Variants in MMP16 observed in about 807,000 individuals in gnomAD.
MMP16 encodes matrix metalloproteinase-16.
MMP16 carries 12 observed loss-of-function variants against 67.8 expected under a neutral mutation model. That is an observed-to-expected ratio of 0.18 (90% CI 0.11 to 0.29). The LOEUF (loss-of-function observed/expected upper bound fraction) is 0.29. MMP16 is among the 10% of genes least tolerant of loss of function. The probability of loss-of-function intolerance (pLI) is 1.00; values close to 1 mark genes in which losing one functional copy is unlikely to be tolerated. For synonymous variants in MMP16, 249 were observed against 255.9 expected, an observed-to-expected ratio of 0.97 and a Z score of 0.26; for missense variants, 475 against 765.7, an observed-to-expected ratio of 0.62 and a Z score of 4.48.
At chr8:88,299,679 T>C (rs187404006) in intron 1 of MMP16, among the ~76,000 whole-genome samples, 8 of 152,322 alleles carry the variant, frequency 5.3e-5, no homozygotes, top group Admixed American at 3.3e-4. Context: ...CTGTCTATAA[T>C]GTATACTGCA....
intron 8 of MMP16, among the ~76,000 whole-genome samples, chr8:88,048,190 G>C (rs1808222769): frequency 6.6e-6 from 1 of 152,134 alleles, no homozygotes; most frequent in African/African-American, 2.4e-5. Context: ...AGGAAACTGG[G>C]AATGTGAGTA....
At chr8:88,146,755 G>A (rs1808296757) in intron 4 of MMP16, among the ~76,000 whole-genome samples, 1 of 151,230 alleles carries the variant, frequency 6.6e-6, no homozygotes, top group South Asian at 2.1e-4. Context: ...AACGTACAGG[G>A]GCAAGGCTTT....
intron 1 of MMP16, among the ~76,000 whole-genome samples, chr8:88,296,032 C>T (rs1018541128): frequency 1.3e-4 from 20 of 149,006 alleles, no homozygotes; most frequent in African/African-American, 2.0e-4. Context: ...ATTAATCCTA[C>T]TTACTAACTG....
At chr8:88,096,823 C>A (rs1809035496) in intron 6 of MMP16, among the ~76,000 whole-genome samples, 1 of 151,896 alleles carries the variant, frequency 6.6e-6, no homozygotes. Context: ...AGGTTCCAGC[C>A]AGACTCATCC....
intron 1 of MMP16, among the ~76,000 whole-genome samples, chr8:88,304,049 A>G (rs1460848833): frequency 6.6e-6 from 1 of 152,198 alleles, no homozygotes; most frequent in African/African-American, 2.4e-5. Flanking sequence ...AAGAATCATG[A>G]TAAAAACAAT....
At chr8:88,184,563 G>GAA (rs59310737) in intron 3 of MMP16, among the ~76,000 whole-genome samples, 1,556 of 10,880 alleles carry the variant, frequency 0.14, 440 homozygotes, top group Middle Eastern at 0.5. Context: ...CTCTCTCTCT[G>GAA]AAAAAAAAAA....
At chr8:88,121,222 G>A (rs966929309) in intron 4 of MMP16, among the ~76,000 whole-genome samples, 6 of 151,830 alleles carry the variant, frequency 4.0e-5, no homozygotes, top group Non-Finnish European at 7.4e-5. Context: ...CCTAAGCATC[G>A]TTTCCAAGGG....
intron 5 of MMP16, among the ~76,000 whole-genome samples, chr8:88,118,005 A>C (rs1328454051): frequency 4.6e-5 from 7 of 152,096 alleles, no homozygotes; most frequent in Admixed American, 4.6e-4. Context: ...TTGTATGAGG[A>C]AGTTACGATT....
At chr8:88,203,248 T>A (rs1011401467) in intron 1 of MMP16, among the ~76,000 whole-genome samples, 1 of 151,490 alleles carries the variant, frequency 6.6e-6, no homozygotes, top group African/African-American at 2.4e-5. Flanking sequence ...GGACTATAGG[T>A]GCCTGCCACC....
chr8:88,256,242 G>C (rs534228043), intron 1 of MMP16, among the ~76,000 whole-genome samples: 2 of 152,028 alleles, frequency 1.3e-5, no homozygotes, highest in East Asian at 3.9e-4. Flanking sequence ...AGGAGTAATA[G>C]ATTAGGTTTG....
intron 4 of MMP16, among the ~76,000 whole-genome samples, chr8:88,143,138 G>A (rs144413212): frequency 3.4e-4 from 51 of 152,056 alleles, no homozygotes; most frequent in Non-Finnish European, 6.5e-4. Flanking sequence ...AAAATATCTC[G>A]GTAAATTAAC....
Position 88,255,922 on chromosome 8 carries a change from G to A in MMP16, c.133-58616C>T, listed in dbSNP as rs567848144. On this transcript the variant is annotated intron_variant, in intron 1 of 9. Coordinates refer to ENST00000286614, the MANE Select transcript of MMP16 (RefSeq NM_005941.5). Reference sequence around the variant, plus strand: ...CATGGCTTTAGGGAACTTTTCTATAGATGCTGGATTCATTTTCTCCTACTG... The same window carrying A: ...CATGGCTTTAGGGAACTTTTCTATAAATGCTGGATTCATTTTCTCCTACTG... 3.2e-4 allele frequency among the ~76,000 whole-genome samples: 48 copies of A among 152,216 alleles called. 1 individual carries two copies. Among genetic ancestry groups the A allele is most frequent in the African/African-American group, 1.1e-3 (45 of 41,538 alleles).
At chr8:88,254,809 A>AT (rs1368677186) in intron 1 of MMP16, among the ~76,000 whole-genome samples, 1 of 152,174 alleles carries the variant, frequency 6.6e-6, no homozygotes, top group Non-Finnish European at 1.5e-5. Context: ...AGGACATGAG[A>AT]TAAAAACTAA....
chr8:88,223,008 A>T (rs953134021), intron 1 of MMP16, among the ~76,000 whole-genome samples: 1 of 152,150 alleles, frequency 6.6e-6, no homozygotes, highest in African/African-American at 2.4e-5. Context: ...AGAAGACAAC[A>T]AACAACTCCA....
intron 1 of MMP16, among the ~76,000 whole-genome samples, chr8:88,307,665 C>T (rs148718784): frequency 0.028 from 4,308 of 151,944 alleles, 115 homozygotes; most frequent in Non-Finnish European, 0.042. Context: ...GAATAAAAGA[C>T]ATTATGCCTA....
intron 1 of MMP16, among the ~76,000 whole-genome samples, chr8:88,225,500 G>T (rs986513463): frequency 2.4e-4 from 36 of 151,792 alleles, no homozygotes; most frequent in Non-Finnish European, 4.4e-4. Context: ...CAAAAACAAT[G>T]AAATACAAGA....
chr8:88,068,294 T>A (rs1043875023), intron 7 of MMP16, among the ~76,000 whole-genome samples: 3 of 152,180 alleles, frequency 2.0e-5, no homozygotes, highest in Non-Finnish European at 4.4e-5. Context: ...GTGTTCTTTA[T>A]ATATTGTGAA....
intron 1 of MMP16, among the ~76,000 whole-genome samples, chr8:88,290,921 CA>C (rs894179575): frequency 3.3e-5 from 5 of 151,848 alleles, no homozygotes; most frequent in African/African-American, 9.7e-5. Flanking sequence ...CTTAAATATT[CA>C]AAAAATGAAG....
chr8:88,305,386 A>G (rs1811196891), intron 1 of MMP16, among the ~76,000 whole-genome samples: 1 of 152,190 alleles, frequency 6.6e-6, no homozygotes, highest in Admixed American at 6.5e-5. Context: ...GATCATCAAG[A>G]CAGAAAATTA....
Sources: gnomAD v4.1 joint callset for allele counts (sites outside exome capture counted in the v4.1 genomes callset) on GRCh38, gnomAD v4.1.1 for gene constraint, MANE v1.5 for transcripts, NCBI Gene and HGNC (gene_info 2026-07-23, HGNC 2026-07-21) for gene names.